Variants in GABRA3 observed in about 807,000 individuals in gnomAD.
The protein encoded by GABRA3 is gamma-aminobutyric acid type A receptor subunit alpha3, also known as gamma-aminobutyric acid receptor subunit alpha-3.
A neutral mutation model predicts 30.1 loss-of-function variants in GABRA3; 10 were observed. That is an observed-to-expected ratio of 0.33 (90% confidence interval 0.20 to 0.56). The LOEUF (loss-of-function observed/expected upper bound fraction) is 0.56, where lower values mean the gene tolerates loss of function less well. Ranked by LOEUF, GABRA3 falls within the 20% of genes least tolerant of loss-of-function variation. GABRA3 has a pLI of 0.89. For missense variants in GABRA3, 233 were observed against 392.0 expected (o/e 0.59, Z 3.42); for synonymous variants, 151 against 146.8 (o/e 1.03, Z -0.21).
chrX:152,225,414 A>G, intron 5 of GABRA3, among the ~76,000 whole-genome samples: 1 of 49,958 alleles, frequency 2.0e-5, no homozygotes, highest in South Asian at 1.5e-3. Flanking sequence ...GCACACACAC[A>G]CACGCACACA....
At chrX:152,238,736 CGAG>C (rs1938286892) in intron 5 of GABRA3, among the ~76,000 whole-genome samples, 1 of 105,685 alleles carries the variant, frequency 9.5e-6, no homozygotes, top group Non-Finnish European at 2.0e-5. Context: ...GTGTATGTGT[CGAG>C]GAATTTATCC....
intron 3 of GABRA3, among the ~76,000 whole-genome samples, chrX:152,324,149 G>A (rs1940014747): frequency 8.9e-6 from 1 of 112,060 alleles, no homozygotes; most frequent in Admixed American, 9.5e-5. Flanking sequence ...AGAGAGGCTG[G>A]AAAATTATCC....
intron 1 of GABRA3, among the ~76,000 whole-genome samples, chrX:152,443,759 G>T (rs1184065152): frequency 9.0e-6 from 1 of 111,590 alleles, no homozygotes; most frequent in Non-Finnish European, 1.9e-5. Flanking sequence ...ATTCAAATGT[G>T]ACATTTGAAT....
chrX:152,275,240 T>TATATATATAATTTATATATATAA (rs1569378362), intron 4 of GABRA3, among the ~76,000 whole-genome samples: 18 of 48,037 alleles, frequency 3.7e-4, no homozygotes, highest in African/African-American at 2.2e-3. Context: ...TATATATATT[T>TATATATATAATTTATATATATAA]TATTATATAT....
chrX:152,199,301 G>A (rs1213862634), intron 7 of GABRA3, among the ~76,000 whole-genome samples: 2 of 104,688 alleles, frequency 1.9e-5, no homozygotes, highest in East Asian at 5.9e-4. Context: ...AGGAGGCGGA[G>A]CTGGCAGTGA....
At chrX:152,304,400 T>C (rs1482690589) in intron 3 of GABRA3, among the ~76,000 whole-genome samples, 1 of 112,330 alleles carries the variant, frequency 8.9e-6, no homozygotes, top group African/African-American at 3.2e-5. Context: ...GGGTATTTCC[T>C]AGATTTTCTT....
intron 3 of GABRA3, among the ~76,000 whole-genome samples, chrX:152,287,401 C>T (rs1939316600): frequency 9.0e-6 from 1 of 110,572 alleles, no homozygotes; most frequent in Non-Finnish European, 1.9e-5. Flanking sequence ...CGGTTTTCCC[C>T]ATGCTGTTCT....
chrX:152,411,717 A>T (rs1321589156), intron 1 of GABRA3, among the ~76,000 whole-genome samples: 1 of 111,787 alleles, frequency 8.9e-6, no homozygotes, highest in Admixed American at 9.5e-5. Flanking sequence ...TAAAAGATAG[A>T]TAAATTGGAT....
intron 4 of GABRA3, among the ~76,000 whole-genome samples, chrX:152,270,070 G>C (rs765306615): frequency 3.1e-4 from 35 of 111,668 alleles, no homozygotes; most frequent in Admixed American, 4.7e-4. Context: ...CACAGAACAG[G>C]AGGAAATATT....
At chrX:152,253,561 A>G (rs1040112409) in intron 5 of GABRA3, among the ~76,000 whole-genome samples, 1 of 111,922 alleles carries the variant, frequency 8.9e-6, no homozygotes, top group Non-Finnish European at 1.9e-5. Flanking sequence ...TTTCCTTAAC[A>G]TATCGTCACT....
chrX:152,286,487 A>C (rs1369141330), intron 3 of GABRA3, among the ~76,000 whole-genome samples: 1 of 110,983 alleles, frequency 9.0e-6, no homozygotes, highest in Non-Finnish European at 1.9e-5. Flanking sequence ...AAGCCTACAC[A>C]AGCCTTGATG....
At chrX:152,198,809 A>G (rs1937423659) in intron 7 of GABRA3, among the ~76,000 whole-genome samples, 1 of 111,278 alleles carries the variant, frequency 9.0e-6, no homozygotes, top group Non-Finnish European at 1.9e-5. Flanking sequence ...AACTCTAATA[A>G]CTCCCCAATG....
chrX:152,181,485 C>G (rs1178134626), intron 9 of GABRA3, among the ~76,000 whole-genome samples: 3 of 109,320 alleles, frequency 2.7e-5, no homozygotes, highest in Non-Finnish European at 1.9e-5. Flanking sequence ...TATATAAGAT[C>G]AGGCCATAAA....
rs755986695 is a variant in GABRA3, at chrX:152,386,899, A to T, written c.-26-22303T>A. Among the ~76,000 whole-genome samples the T allele has an allele frequency of 4.4e-3, 471 of 106,675 alleles. 2 individuals are homozygous for T. Among genetic ancestry groups the T allele is most frequent in the Non-Finnish European group, 4.4e-3 (227 of 51,712 alleles). The allele number at this position is 106,675 out of a possible 115,157, so 92.6% of individuals were successfully genotyped here. A position where few individuals can be genotyped will look rare whatever the true frequency, so the allele number is the denominator to read the frequency against. ...ATAGCAAAGACTTGGAACCAACCCA[A>T]ATGTCCAACAATGATAGACTGGATT... On this transcript the variant is annotated intron_variant, in intron 1 of 9. Transcript: ENST00000370314.
At chrX:152,412,489 A>G (rs1342733998) in intron 1 of GABRA3, among the ~76,000 whole-genome samples, 1 of 112,296 alleles carries the variant, frequency 8.9e-6, no homozygotes. Flanking sequence ...GCAACTATAT[A>G]ATGTGGCAAC....
intron 1 of GABRA3, among the ~76,000 whole-genome samples, chrX:152,366,965 G>T (rs1414744743): frequency 9.0e-6 from 1 of 111,308 alleles, no homozygotes; most frequent in African/African-American, 3.3e-5. Context: ...ACAGTTGCAA[G>T]TGACCATAGT....
At chrX:152,343,454 A>G (rs911842690) in intron 3 of GABRA3, among the ~76,000 whole-genome samples, 2 of 109,584 alleles carry the variant, frequency 1.8e-5, no homozygotes, top group African/African-American at 6.6e-5. Context: ...ATCCAAAAAA[A>G]AAAAAAACAA....
chrX:152,420,916 G>C (rs1004494569), intron 1 of GABRA3, among the ~76,000 whole-genome samples: 1 of 109,993 alleles, frequency 9.1e-6, no homozygotes, highest in African/African-American at 3.3e-5. Flanking sequence ...GGATCCTGTC[G>C]CCCTGTGAAA....
chrX:152,258,270 C>T (rs934238599), intron 4 of GABRA3, among the ~76,000 whole-genome samples: 1 of 111,345 alleles, frequency 9.0e-6, no homozygotes, highest in African/African-American at 3.3e-5. Context: ...GAAAAATAGT[C>T]ATTGAAAATA....
Sources: gnomAD v4.1 joint callset for allele counts (sites outside exome capture counted in the v4.1 genomes callset) on GRCh38, gnomAD v4.1.1 for gene constraint, MANE v1.5 for transcripts, NCBI Gene and HGNC (gene_info 2026-07-23, HGNC 2026-07-21) for gene names.